Variants in CELF4 observed in about 807,000 individuals in gnomAD.
CELF4 encodes the protein CUGBP Elav-like family member 4.
Under a neutral mutation model 59.9 loss-of-function variants are expected in CELF4, and 18 were observed. That is an observed-to-expected ratio of 0.30 (90% confidence interval 0.21 to 0.45). The LOEUF is 0.45. Among genes scored for constraint, CELF4 ranks in the 20% least tolerant of loss-of-function variants. CELF4 has a pLI of 1.00. For missense variants in CELF4, 456 were observed against 689.0 expected (o/e 0.66, Z 3.79); for synonymous variants, 261 against 267.1 (o/e 0.98, Z 0.22).
chr18:37,490,406 G>C (rs570092475), intron 1 of CELF4, among the ~76,000 whole-genome samples: 1 of 152,206 alleles, frequency 6.6e-6, no homozygotes, highest in Non-Finnish European at 1.5e-5. Flanking sequence ...TACTAAAAGA[G>C]TAGGATGAAA....
At chr18:37,344,432 CAG>C (rs2098173943) in intron 2 of CELF4, among the ~76,000 whole-genome samples, 1 of 152,250 alleles carries the variant, frequency 6.6e-6, no homozygotes, top group Non-Finnish European at 1.5e-5. Flanking sequence ...AAAGAAGTAA[CAG>C]TGAGTACAGT....
chr18:37,367,367 T>C (rs925078544), intron 2 of CELF4, among the ~76,000 whole-genome samples: 2 of 151,754 alleles, frequency 1.3e-5, no homozygotes, highest in Non-Finnish European at 2.9e-5. Flanking sequence ...GACAGTTCGT[T>C]TGGGGCCAGG....
At chr18:37,451,641 C>T (rs544711896) in intron 2 of CELF4, among the ~76,000 whole-genome samples, 4 of 152,284 alleles carry the variant, frequency 2.6e-5, no homozygotes, top group East Asian at 3.9e-4. Flanking sequence ...CAGTAGCTAG[C>T]GCGTGTTCAC....
chr18:37,411,823 CT>C (rs1412733761), intron 2 of CELF4, among the ~76,000 whole-genome samples: 1 of 152,202 alleles, frequency 6.6e-6, no homozygotes, highest in East Asian at 1.9e-4. Context: ...TAGATAGGCC[CT>C]CTCAAGGCCT....
chr18:37,420,917 A>T (rs1209669942), intron 2 of CELF4, among the ~76,000 whole-genome samples: 1 of 152,202 alleles, frequency 6.6e-6, no homozygotes, highest in Non-Finnish European at 1.5e-5. Context: ...TAAGAGCCTC[A>T]TGCCATGTTT....
intron 9 of CELF4, 123 bp downstream of exon 9, chr18:37,266,410 C>T: frequency 4.8e-6 from 5 of 1,039,862 alleles, no homozygotes; most frequent in Non-Finnish European, 5.8e-6. Flanking sequence ...AGCCCTCCCT[C>T]TTTCCACTCT....
chr18:37,405,864 T>C (rs1379389330), intron 2 of CELF4, among the ~76,000 whole-genome samples: 2 of 151,802 alleles, frequency 1.3e-5, no homozygotes, highest in African/African-American at 2.4e-5. Flanking sequence ...AGGCATGGGG[T>C]GGTGGTGGGG....
chr18:37,455,635 G>A (rs895903945), intron 2 of CELF4, among the ~76,000 whole-genome samples: 3 of 152,230 alleles, frequency 2.0e-5, no homozygotes, highest in Middle Eastern at 3.2e-3. Context: ...GTGAGCATGG[G>A]CAGTCAGGGA....
chr18:37,260,572 G>A (rs565196889), intron 10 of CELF4, among the ~76,000 whole-genome samples: 4 of 152,334 alleles, frequency 2.6e-5, no homozygotes, highest in African/African-American at 9.6e-5. Flanking sequence ...GCCGCTGCAT[G>A]GCTTTCACGC....
intron 3 of CELF4, among the ~76,000 whole-genome samples, chr18:37,301,286 C>T (rs2096014888): frequency 6.6e-6 from 1 of 152,168 alleles, no homozygotes; most frequent in African/African-American, 2.4e-5. Context: ...ACTGAGAGGC[C>T]ACTGCAGGTG....
chr18:37,351,886 G>C (rs1330109175), intron 2 of CELF4, among the ~76,000 whole-genome samples: 5 of 152,030 alleles, frequency 3.3e-5, no homozygotes, highest in Admixed American at 2.0e-4. Flanking sequence ...AAAGTGCTGG[G>C]ATTACAGGCG....
At chr18:37,255,161 C>T (rs568896768) in intron 11 of CELF4, among the ~76,000 whole-genome samples, 5 of 152,196 alleles carry the variant, frequency 3.3e-5, no homozygotes, top group African/African-American at 4.8e-5. Context: ...TGAACGTGCC[C>T]GTTGCGTAAT....
At chr18:37,493,778 C>T (rs2099919812) in intron 1 of CELF4, among the ~76,000 whole-genome samples, 1 of 152,170 alleles carries the variant, frequency 6.6e-6, no homozygotes, top group Admixed American at 6.5e-5. Flanking sequence ...GAATCTCCCC[C>T]TTGGCCATGC....
intron 2 of CELF4, among the ~76,000 whole-genome samples, chr18:37,366,131 C>T (rs1158186053): frequency 6.6e-6 from 1 of 152,198 alleles, no homozygotes; most frequent in African/African-American, 2.4e-5. Context: ...GTATCTACCA[C>T]CATGTTCTTC....
chr18:37,526,663 C>T (rs1185048668), intron 1 of CELF4, among the ~76,000 whole-genome samples: 1 of 152,218 alleles, frequency 6.6e-6, no homozygotes, highest in African/African-American at 2.4e-5. Context: ...CACAACCTGC[C>T]TCAGGATCAT....
intron 1 of CELF4, among the ~76,000 whole-genome samples, chr18:37,492,760 G>A (rs748037887): frequency 2.6e-5 from 4 of 152,076 alleles, no homozygotes; most frequent in Non-Finnish European, 5.9e-5. Flanking sequence ...CAGCCACTTT[G>A]GTCTCACCTT....
At chr18:37,550,279 T>C (rs1266387257) in intron 1 of CELF4, among the ~76,000 whole-genome samples, 1 of 152,152 alleles carries the variant, frequency 6.6e-6, no homozygotes, top group Non-Finnish European at 1.5e-5. Flanking sequence ...GGAGATTATA[T>C]TGATGATGTA....
chr18:37,356,432 A>G (rs2098575418), intron 2 of CELF4, among the ~76,000 whole-genome samples: 1 of 152,152 alleles, frequency 6.6e-6, no homozygotes, highest in African/African-American at 2.4e-5. Context: ...GACATGAAAG[A>G]GGTGCTGGAA....
chr18:37,476,464 C>T (rs566758746), intron 2 of CELF4, among the ~76,000 whole-genome samples: 2 of 152,210 alleles, frequency 1.3e-5, no homozygotes, highest in Non-Finnish European at 1.5e-5. Flanking sequence ...TAAACTACGG[C>T]GCCCTAGAGA....
Sources: allele counts gnomAD v4.1 joint callset (sites outside exome capture counted in the v4.1 genomes callset), GRCh38; gene constraint gnomAD v4.1.1; transcripts MANE v1.5; gene names NCBI Gene and HGNC (gene_info 2026-07-23, HGNC 2026-07-21).